Variants in CYBB observed in about 807,000 individuals in gnomAD.
CYBB encodes NADPH oxidase 2.
Under a neutral mutation model 46.5 loss-of-function variants are expected in CYBB, and 5 were observed. The observed-to-expected ratio is 0.11, with a 90% CI of 0.06 to 0.23. The LOEUF (loss-of-function observed/expected upper bound fraction) is 0.23, where lower values mean the gene tolerates loss of function less well. Among genes scored for constraint, CYBB ranks in the 10% least tolerant of loss-of-function variants. The pLI is 1.00. For missense variants in CYBB, 307 were observed against 428.3 expected, an observed-to-expected ratio of 0.72 and a Z score of 2.50; for synonymous variants, 183 against 156.7, an observed-to-expected ratio of 1.17 and a Z score of -1.26.
intron 10 of CYBB, 54 bp from the exon 11 acceptor site, chrX:37,806,333 A>G: frequency 8.5e-7 from 1 of 1,171,725 alleles, no homozygotes; most frequent in Non-Finnish European, 1.2e-6. Flanking sequence ...CCACATGGTA[A>G]TGCTGATAGG....
At chrX:37,805,223 T>G in intron 10 of CYBB, 55 bp downstream of exon 10, 3 of 1,143,822 alleles carry the variant, frequency 2.6e-6, no homozygotes, top group Non-Finnish European at 3.6e-6. Context: ...CTCTGCCATG[T>G]GAGGCCTGAG....
chrX:37,802,133 A>T (rs1277818957), intron 8 of CYBB, among the ~76,000 whole-genome samples: 1 of 112,061 alleles, frequency 8.9e-6, no homozygotes, highest in Non-Finnish European at 1.9e-5. Context: ...TATTTTTGCA[A>T]AACACACAAA....
intron 1 of CYBB, 95 bp from the exon 2 acceptor site, chrX:37,781,993 A>G: frequency 1.4e-6 from 1 of 700,641 alleles, no homozygotes; most frequent in East Asian, 3.2e-5. Flanking sequence ...TCAAAGTTGG[A>G]CTTGGGGAAG....
rs375411379 is a variant in CYBB at position 37,780,157 on chromosome X, T to C, written c.45+35T>C. ...AACAAGAGATAAGTTATAAATTCTC[T>C]GACTTCTCGGGGTTATCTTGGAACT... On this transcript the variant is annotated intron_variant, in intron 1 of 12. Coordinates refer to ENST00000378588, the MANE Select transcript of CYBB (RefSeq NM_000397.4). 4.4e-6 allele frequency: 5 copies of C among 1,132,368 alleles called. No homozygotes were observed. The African/African-American group carries it at 9.0e-5, about 20-fold the overall frequency. The allele number at this position is 1,132,368 out of a possible 1,213,427, so 93.3% of individuals were successfully genotyped here.
chrX:37,800,156 C>T (rs782670061), intron 7 of CYBB, among the ~76,000 whole-genome samples: 2 of 111,329 alleles, frequency 1.8e-5, no homozygotes, highest in Non-Finnish European at 3.8e-5. Flanking sequence ...CACATTTCCT[C>T]GATGACAGCT....
intron 3 of CYBB, among the ~76,000 whole-genome samples, chrX:37,788,472 T>C (rs1929123901): frequency 1.8e-5 from 2 of 111,972 alleles, no homozygotes. Context: ...CATACTGTTT[T>C]TCACACAGGA....
chrX:37,809,511 G>A, intron 11 of CYBB, 56 bp from the exon 12 acceptor site: 1 of 1,152,531 alleles, frequency 8.7e-7, no homozygotes, highest in Non-Finnish European at 1.2e-6. Context: ...TAAATACATT[G>A]TATGTGCTTT....
chrX:37,795,487 G>A (rs1556468121), intron 5 of CYBB, among the ~76,000 whole-genome samples: 4 of 111,530 alleles, frequency 3.6e-5, no homozygotes, highest in Non-Finnish European at 5.7e-5. Context: ...TGTTTTCTAA[G>A]TCACTTGCCC....
intron 2 of CYBB, among the ~76,000 whole-genome samples, 153 bp downstream of exon 2, chrX:37,782,336 A>G (rs782532144): frequency 4.9e-4 from 55 of 112,441 alleles, no homozygotes; most frequent in Non-Finnish European, 1.1e-4. Flanking sequence ...TTCCTGGGCA[A>G]CAGTCACTTA....
At chrX:37,796,199 G>A (rs1929305410) in intron 6 of CYBB, 58 bp downstream of exon 6, 1 of 1,030,964 alleles carries the variant, frequency 9.7e-7, no homozygotes. Context: ...TAGGCAGGAT[G>A]CTCCATTAGA....
Position 37,795,915 on chromosome X carries a change from T to TGTGTGG in CYBB, c.484-31_484-30insGGTGTG, listed in dbSNP as rs1929293601. On this transcript the variant is annotated intron_variant, in intron 5 of 12. Coordinates refer to ENST00000378588, the MANE Select transcript of CYBB (RefSeq NM_000397.4). Reference sequence around the variant, plus strand: ...ATGTGTGTGTGTGTGTGTGTGTGTGTGTGTGTGTGTGTGTGTGTGTGTTTA... The same window carrying TGTGTGG: ...ATGTGTGTGTGTGTGTGTGTGTGTGTGTGTGGGTGTGTGTGTGTGTGTGTGTGTTTA... The TGTGTGG allele has an allele frequency of 5.9e-6, 5 of 852,010 alleles. No homozygotes were observed. The East Asian group carries it at 9.4e-5, about 16-fold the overall frequency. The allele number at this position is 852,010 out of a possible 1,213,427, so 70.2% of individuals were successfully genotyped here.
chrX:37,806,862 CTCTCTCTG>C lies in CYBB; in HGVS notation c.1461+345_1461+352del, dbSNP rs1272334592. Among the ~76,000 whole-genome samples, 6 of 105,995 alleles carry C rather than the reference CTCTCTCTG, an allele frequency of 5.7e-5. No individual in the cohort carries two copies. In the East Asian group the frequency reaches 1.1e-3, roughly 20 times the overall value. 92.0% of individuals were successfully genotyped at this position (105,995 alleles called of 115,157 possible). A position where few individuals can be genotyped will look rare whatever the true frequency, so the allele number is the denominator to read the frequency against. On this transcript the variant is annotated intron_variant, in intron 11 of 12. Transcript: ENST00000378588. ...TTTAGCTTTCTCTTTCTCTCTGTCT[CTCTCTCTG>C]TCTCTCTGTCTCTCTCTCTCTGTCT...
intron 7 of CYBB, 23 bp downstream of exon 7, chrX:37,799,107 A>T: frequency 8.4e-7 from 1 of 1,190,737 alleles, no homozygotes; most frequent in Non-Finnish European, 1.1e-6. Flanking sequence ...CATTGTTGTT[A>T]TTACAGTTTC....
intron 7 of CYBB, among the ~76,000 whole-genome samples, chrX:37,800,334 C>T (rs1180455325): frequency 5.4e-5 from 6 of 111,498 alleles, no homozygotes; most frequent in Non-Finnish European, 9.4e-5. Flanking sequence ...AAAACAAAGG[C>T]CAACAACAGA....
intron 7 of CYBB, among the ~76,000 whole-genome samples, chrX:37,799,314 A>C (rs925214829): frequency 6.3e-5 from 7 of 111,956 alleles, no homozygotes; most frequent in South Asian, 3.6e-4. Flanking sequence ...AAACTTGGGA[A>C]AATAGTGTTT....
In CYBB at chrX:37,780,065, A is replaced by G. The variant is rs781998284; in HGVS notation, c.-13A>G. 1 of 1,209,307 alleles carries G rather than the reference A, an allele frequency of 8.3e-7. No individual in the cohort carries two copies. The highest frequency in any genetic ancestry group is 1.8e-5 in the South Asian group (1 of 56,906). On this transcript the variant is annotated 5_prime_UTR_variant, in exon 1 of 13. Coordinates refer to ENST00000378588, the MANE Select transcript of CYBB (RefSeq NM_000397.4). ...GAAGAAAGGCAAACACAACACATTCAACCTCTGCCACCATGGGGAACTGGG... is the reference window on the plus strand; with the variant it reads ...GAAGAAAGGCAAACACAACACATTCGACCTCTGCCACCATGGGGAACTGGG...
chrX:37,782,190 A>G lies in CYBB; in HGVS notation c.141+7A>G. ...CACAAGAAAACTTCTTGGGGTAAGT[A>G]TAAATTCCATCCCATGCAATATTGG... On this transcript the variant is annotated splice_region_variant and intron_variant, in intron 2 of 12. Transcript: ENST00000378588. The G allele has an allele frequency of 9.3e-7, 1 of 1,075,582 alleles. No individual in the cohort carries two copies. The highest frequency in any genetic ancestry group is 1.3e-6 in the Non-Finnish European group (1 of 771,099). 88.6% of individuals were successfully genotyped at this position (1,075,582 alleles called of 1,213,427 possible).
intron 7 of CYBB, among the ~76,000 whole-genome samples, chrX:37,800,957 T>C (rs113353909): frequency 0.017 from 1,944 of 112,354 alleles, 39 homozygotes; most frequent in African/African-American, 0.06. Flanking sequence ...ACTGCAACTG[T>C]AGTTGCAACA....
At chrX:37,796,229 C>G in intron 6 of CYBB, 88 bp downstream of exon 6, 1 of 813,119 alleles carries the variant, frequency 1.2e-6, no homozygotes. Context: ...ACCTCCTTGC[C>G]TGTGTGTGGT....
Sources: allele counts gnomAD v4.1 joint callset (sites outside exome capture counted in the v4.1 genomes callset), GRCh38; gene constraint gnomAD v4.1.1; transcripts MANE v1.5; gene names NCBI Gene and HGNC (gene_info 2026-07-23, HGNC 2026-07-21).